Variants in PPM1E observed in about 807,000 individuals in gnomAD.
PPM1E encodes protein phosphatase, Mg2+/Mn2+ dependent 1E, also known as protein phosphatase 1E.
PPM1E carries 20 observed loss-of-function variants against 65.9 expected under a neutral mutation model. The ratio of observed to expected loss-of-function variants is 0.30; its 90% CI spans 0.21 to 0.44. The LOEUF (loss-of-function observed/expected upper bound fraction) is 0.44, where lower values mean the gene tolerates loss of function less well. Among genes scored for constraint, PPM1E ranks in the 20% least tolerant of loss-of-function variants. The probability of loss-of-function intolerance (pLI) is 1.00; values close to 1 mark genes in which losing one functional copy is unlikely to be tolerated. For synonymous variants in PPM1E, 352 were observed against 374.9 expected, an observed-to-expected ratio of 0.94 and a Z score of 0.70; for missense variants, 713 against 953.1, an observed-to-expected ratio of 0.75 and a Z score of 3.32.
chr17:58,920,956 A>T (rs1397040082), intron 1 of PPM1E, among the ~76,000 whole-genome samples: 3 of 152,248 alleles, frequency 2.0e-5, no homozygotes, highest in African/African-American at 4.8e-5. Context: ...TAGAAAGAGA[A>T]CCAAGAGAAG....
chr17:58,910,766 G>C (rs1264264675), intron 1 of PPM1E, among the ~76,000 whole-genome samples: 1 of 152,192 alleles, frequency 6.6e-6, no homozygotes, highest in Non-Finnish European at 1.5e-5. Context: ...AAGAAGGCTA[G>C]AGTGAGCTGG....
chr17:58,784,433 G>C (rs2050078384), intron 1 of PPM1E, among the ~76,000 whole-genome samples: 1 of 151,084 alleles, frequency 6.6e-6, no homozygotes, highest in South Asian at 2.1e-4. Context: ...TTTTCATATG[G>C]TTACTGGCCA....
intron 1 of PPM1E, among the ~76,000 whole-genome samples, chr17:58,803,814 C>T (rs906772225): frequency 7.2e-5 from 11 of 152,170 alleles, no homozygotes; most frequent in Non-Finnish European, 1.0e-4. Flanking sequence ...CCAGGATTTA[C>T]GCTTTTAATA....
intron 1 of PPM1E, among the ~76,000 whole-genome samples, chr17:58,816,785 TATATATATA>T (rs1298376869): frequency 7.7e-3 from 84 of 10,842 alleles, no homozygotes; most frequent in Non-Finnish European, 0.011. Flanking sequence ...TATATATATA[TATATATATA>T]TTTTTTTTTT....
chr17:58,962,327 G>A (rs2030058772), intron 2 of PPM1E, among the ~76,000 whole-genome samples: 1 of 150,562 alleles, frequency 6.6e-6, no homozygotes, highest in African/African-American at 2.4e-5. Flanking sequence ...GTAGTTAGTA[G>A]CTACTGTACT....
chr17:58,963,284 G>A (rs1382885829), intron 2 of PPM1E, among the ~76,000 whole-genome samples: 1 of 151,798 alleles, frequency 6.6e-6, no homozygotes, highest in African/African-American at 2.4e-5. Flanking sequence ...CTACTCGGGA[G>A]GCTGAGGTAG....
intron 1 of PPM1E, among the ~76,000 whole-genome samples, chr17:58,817,315 T>G (rs2050436165): frequency 6.6e-6 from 1 of 152,154 alleles, no homozygotes; most frequent in Admixed American, 6.5e-5. Flanking sequence ...ATATGGTAAT[T>G]CTATGTCTAA....
chr17:58,980,020 C>A lies in PPM1E; in HGVS notation c.1257C>A (p.Ala419=). The part of the protein sequence containing the change: ...KPYICGDADS[A]STVLDGTEDY... ...ATATCTGTGGGGATGCAGATTCTGC[C>A]TCCACTGTTCTGGATGGGACCGAAG... The change falls in exon 7 of 7, where the codon GCC becomes GCA. Residue 419 remains alanine (A), a synonymous_variant. Coordinates refer to ENST00000308249, the MANE Select transcript of PPM1E (RefSeq NM_014906.5). This position sits in a 1 kb window ranked among gnomAD's most constrained non-coding sequence, Gnocchi z 4.7. 1 of 1,614,024 alleles carries A rather than the reference C, an allele frequency of 6.2e-7. No homozygotes were observed. The highest frequency in any genetic ancestry group is 8.5e-7 in the Non-Finnish European group (1 of 1,179,990).
chr17:58,897,412 TAAAAAAA>T (rs945692432), intron 1 of PPM1E, among the ~76,000 whole-genome samples: 10 of 135,456 alleles, frequency 7.4e-5, no homozygotes, highest in African/African-American at 2.7e-4. Context: ...AGACTCCATC[TAAAAAAA>T]AAAAAAGAAA....
At chr17:58,903,900 A>G (rs1472413695) in intron 1 of PPM1E, among the ~76,000 whole-genome samples, 14 of 152,204 alleles carry the variant, frequency 9.2e-5, no homozygotes, top group Admixed American at 1.3e-4. Context: ...CCAAATAAAT[A>G]TATAATTGTG....
intron 2 of PPM1E, among the ~76,000 whole-genome samples, chr17:58,959,139 T>C (rs997812838): frequency 1.3e-5 from 2 of 151,470 alleles, no homozygotes; most frequent in Non-Finnish European, 1.5e-5. Flanking sequence ...TGAAACCCCA[T>C]CTCTACTAAA....
intron 2 of PPM1E, among the ~76,000 whole-genome samples, chr17:58,963,121 A>G (rs1049178302): frequency 2.6e-5 from 4 of 152,052 alleles, no homozygotes; most frequent in Middle Eastern, 3.2e-3. Context: ...ATGGTGGCTC[A>G]TGCCTGTAAT....
intron 1 of PPM1E, among the ~76,000 whole-genome samples, chr17:58,827,572 T>C (rs962581034): frequency 6.6e-6 from 1 of 152,138 alleles, no homozygotes; most frequent in Non-Finnish European, 1.5e-5. Context: ...TTACAGTGGG[T>C]CTAGGAGTGG....
intron 1 of PPM1E, among the ~76,000 whole-genome samples, chr17:58,770,935 C>T (rs2049931549): frequency 6.6e-6 from 1 of 151,784 alleles, no homozygotes; most frequent in Non-Finnish European, 1.5e-5. Context: ...CGGCACGCTG[C>T]AGCCTCCGCC....
chr17:58,884,887 CCT>C (rs908254796), intron 1 of PPM1E, among the ~76,000 whole-genome samples: 1 of 151,482 alleles, frequency 6.6e-6, no homozygotes, highest in Non-Finnish European at 1.5e-5. Context: ...TATTATCTTC[CCT>C]CTCTTTTCTC....
intron 1 of PPM1E, among the ~76,000 whole-genome samples, chr17:58,768,579 T>C (rs1283729064): frequency 1.3e-5 from 2 of 152,220 alleles, no homozygotes; most frequent in Non-Finnish European, 2.9e-5. Context: ...AAGAGCCGTC[T>C]AAGGGTTTTG....
intron 1 of PPM1E, among the ~76,000 whole-genome samples, chr17:58,879,618 C>T (rs888709825): frequency 3.4e-5 from 5 of 148,748 alleles, no homozygotes; most frequent in African/African-American, 5.0e-5. Context: ...ACGCCATTCT[C>T]CTGCCTCCGC....
At chr17:58,759,957 A>AT (rs1018065401) in intron 1 of PPM1E, among the ~76,000 whole-genome samples, 2 of 152,188 alleles carry the variant, frequency 1.3e-5, no homozygotes, top group African/African-American at 2.4e-5. Flanking sequence ...TAAGTTGCAC[A>AT]TTTTTTTCTC....
chr17:58,932,578 CA>C (rs750540687), intron 1 of PPM1E, among the ~76,000 whole-genome samples: 11 of 152,204 alleles, frequency 7.2e-5, no homozygotes, highest in Non-Finnish European at 1.5e-4. Flanking sequence ...GATCTGGGAA[CA>C]GGTGATCCAG....
Sources: gnomAD v4.1 joint callset for allele counts (sites outside exome capture counted in the v4.1 genomes callset) on GRCh38, gnomAD v4.1.1 for gene constraint, Gnocchi (gnomAD v3.1) non-coding constraint, MANE v1.5 for transcripts, NCBI Gene and HGNC (gene_info 2026-07-23, HGNC 2026-07-21) for gene names.